PTPRQ: variants seen among roughly 807,000 people sequenced by gnomAD.
PTPRQ encodes the protein protein tyrosine phosphatase receptor type Q, also known as phosphatidylinositol phosphatase PTPRQ.
Under a neutral mutation model 246.0 loss-of-function variants are expected in PTPRQ, and 199 were observed. The observed-to-expected ratio is 0.81, with a 90% CI of 0.72 to 0.91. The LOEUF (loss-of-function observed/expected upper bound fraction) is 0.91, where lower values mean the gene tolerates loss of function less well. PTPRQ is among the 40% of genes least tolerant of loss of function. PTPRQ has a pLI of 0.00. For missense variants in PTPRQ, 2,624 were observed against 2,528.4 expected (o/e 1.04, Z -0.81); for synonymous variants, 869 against 853.2 (o/e 1.02, Z -0.32).
rs576868244 is a variant in PTPRQ, at chr12:80,590,938, G to A, written c.4609+2486G>A. Among the ~76,000 whole-genome samples, 6 of 152,004 alleles carry A rather than the reference G, an allele frequency of 3.9e-5. No individual in the cohort carries two copies. In the East Asian group the frequency reaches 1.2e-3, roughly 30 times the overall value. ...TGTTCTTCCACCTCCTTCTTCACAT[G>A]AGCAGCTTCTTATAACGTAGATCTT... On this transcript the variant is annotated intron_variant, in intron 26 of 44. Coordinates refer to ENST00000644991, the MANE Select transcript of PTPRQ (RefSeq NM_001145026.2).
chr12:80,532,039 G>T (rs1895859517), intron 17 of PTPRQ, among the ~76,000 whole-genome samples: 1 of 151,750 alleles, frequency 6.6e-6, no homozygotes, highest in African/African-American at 2.4e-5. Flanking sequence ...ATAATCTGAG[G>T]CTTTTTTTTT....
At chr12:80,486,254 C>A (rs1894272742) in intron 9 of PTPRQ, among the ~76,000 whole-genome samples, 1 of 152,168 alleles carries the variant, frequency 6.6e-6, no homozygotes, top group African/African-American at 2.4e-5. Flanking sequence ...GATCATTAAT[C>A]TTGGCATAGG....
intron 8 of PTPRQ, among the ~76,000 whole-genome samples, chr12:80,475,303 A>T (rs117640149): frequency 7.0e-4 from 106 of 152,256 alleles, no homozygotes; most frequent in Non-Finnish European, 1.4e-3. Flanking sequence ...TTATCTAGAA[A>T]ATTCATCATC....
chr12:80,640,598 G>A (rs933955630), intron 35 of PTPRQ, among the ~76,000 whole-genome samples: 8 of 152,044 alleles, frequency 5.3e-5, no homozygotes, highest in African/African-American at 1.9e-4. Context: ...TTCTTTAGAC[G>A]CAAGGAGATT....
At chr12:80,661,536 CAT>C (rs1359516337) in intron 39 of PTPRQ, among the ~76,000 whole-genome samples, 1 of 151,332 alleles carries the variant, frequency 6.6e-6, no homozygotes, top group African/African-American at 2.4e-5. Context: ...TATGTACACA[CAT>C]ATATGTACAC....
At chr12:80,672,089 A>T (rs991002941) in intron 42 of PTPRQ, among the ~76,000 whole-genome samples, 9 of 151,282 alleles carry the variant, frequency 5.9e-5, no homozygotes, top group Non-Finnish European at 1.0e-4. Context: ...ACCCTATCCT[A>T]CCCTATCACC....
rs1039171162 is a variant in PTPRQ, at chr12:80,668,821, G to A, written c.6193-186G>A. On this transcript the variant is annotated intron_variant, in intron 39 of 44. Coordinates refer to ENST00000644991, the MANE Select transcript of PTPRQ (RefSeq NM_001145026.2). ...AATTTTGAGAACCATTTGTTGTGTAGTATATCAGATTGTGAGGATAAATTT... is the reference window on the plus strand; with the variant it reads ...AATTTTGAGAACCATTTGTTGTGTAATATATCAGATTGTGAGGATAAATTT... Among the ~76,000 whole-genome samples, 26 of 151,466 alleles carry A rather than the reference G, an allele frequency of 1.7e-4. 1 individual carries two copies. The highest frequency in any genetic ancestry group is 1.3e-3 in the Admixed American group (20 of 15,128).
chr12:80,462,963 T>G (rs867609835), intron 6 of PTPRQ, among the ~76,000 whole-genome samples: 1 of 151,938 alleles, frequency 6.6e-6, no homozygotes, highest in African/African-American at 2.4e-5. Flanking sequence ...AGAGCACCTC[T>G]CCTCCTCCAA....
intron 25 of PTPRQ, chr12:80,561,548 C>T (rs1257421078): frequency 6.6e-6 from 1 of 152,090 alleles, no homozygotes; most frequent in Non-Finnish European, 1.5e-5. Flanking sequence ...CCAGGGTCAC[C>T]CACCGGTCAT....
At chr12:80,506,270 G>T in intron 15 of PTPRQ, 64 bp downstream of exon 15, 1 of 1,381,086 alleles carries the variant, frequency 7.2e-7, no homozygotes, top group Non-Finnish European at 9.6e-7. Context: ...ACAAATATTA[G>T]TTTAATGTTA....
chr12:80,631,802 G>A (rs1229303546), intron 33 of PTPRQ, among the ~76,000 whole-genome samples: 1 of 152,214 alleles, frequency 6.6e-6, no homozygotes, highest in African/African-American at 2.4e-5. Context: ...CAGTTGAAAG[G>A]AGGGAAGTGT....
intron 27 of PTPRQ, among the ~76,000 whole-genome samples, chr12:80,608,592 A>T (rs1350854792): frequency 5.3e-5 from 7 of 132,084 alleles, no homozygotes; most frequent in Admixed American, 3.3e-4. Context: ...TAATTTATAA[A>T]TTATAAATAG....
At chr12:80,562,045 A>C (rs779682053) in intron 25 of PTPRQ, among the ~76,000 whole-genome samples, 1 of 151,864 alleles carries the variant, frequency 6.6e-6, no homozygotes, top group African/African-American at 2.4e-5. Flanking sequence ...GCAATTTTTC[A>C]TCTTTGCTTG....
chr12:80,523,386 T>C (rs1399025743), intron 17 of PTPRQ, among the ~76,000 whole-genome samples: 2 of 152,192 alleles, frequency 1.3e-5, no homozygotes, highest in Non-Finnish European at 1.5e-5. Context: ...CTGATCTTAG[T>C]TATTTCTTGC....
intron 8 of PTPRQ, among the ~76,000 whole-genome samples, chr12:80,479,929 C>T (rs1378745855): frequency 6.6e-6 from 1 of 151,462 alleles, no homozygotes; most frequent in Admixed American, 6.6e-5. Context: ...TAATGGGAGA[C>T]TTTAACACCC....
rs1235014691 is a variant in PTPRQ at position 80,552,671 on chromosome 12, A to G, written c.4285+2937A>G. Among the ~76,000 whole-genome samples the G allele has an allele frequency of 1.3e-4, 16 of 120,166 alleles. 1 individual carries two copies. Among genetic ancestry groups the G allele is most frequent in the African/African-American group, 4.6e-4 (14 of 30,374 alleles). The allele number at this position is 120,166 out of a possible 152,430, so 78.8% of individuals were successfully genotyped here. ...TATATATATATATATATATATATATATATATATATATATATATATATATTT... is the reference window on the plus strand; with the variant it reads ...TATATATATATATATATATATATATGTATATATATATATATATATATATTT... On this transcript the variant is annotated intron_variant, in intron 25 of 44. Transcript: ENST00000644991.
chr12:80,654,059 T>G (rs1900347833), intron 38 of PTPRQ, among the ~76,000 whole-genome samples: 1 of 151,580 alleles, frequency 6.6e-6, no homozygotes, highest in Admixed American at 6.6e-5. Flanking sequence ...TTTTCTTTCT[T>G]TCTCTCTTTC....
intron 29 of PTPRQ, among the ~76,000 whole-genome samples, chr12:80,615,903 G>A (rs1898737041): frequency 1.3e-5 from 2 of 150,870 alleles, no homozygotes; most frequent in African/African-American, 4.8e-5. Flanking sequence ...GGGCTGTTTA[G>A]ATCACTCAGC....
rs1408615919 is a variant in PTPRQ, at chr12:80,616,252, C to T, written c.5216C>T (p.Thr1739Ile). 2 of 1,489,166 alleles carry T rather than the reference C, an allele frequency of 1.3e-6. No homozygotes were observed. Among genetic ancestry groups the T allele is most frequent in the African/African-American group, 2.9e-5 (2 of 69,350 alleles). 92.2% of individuals were successfully genotyped at this position (1,489,166 alleles called of 1,614,324 possible). A position where few individuals can be genotyped will look rare whatever the true frequency, so the allele number is the denominator to read the frequency against. ...GGTCCAAAGGTTCCGATGAGAATAACCATGGATATCAAAGGTACATACATG... is the reference window on the plus strand; with the variant it reads ...GGTCCAAAGGTTCCGATGAGAATAATCATGGATATCAAAGGTACATACATG... Reference protein sequence around the residue: ...GAGPKVPMRITMDIKAPARPK... With the variant: ...GAGPKVPMRIIMDIKAPARPK... Residue 1739 changes from threonine (T) to isoleucine (I), a missense_variant, in exon 30 of 45, where the codon ACC (threonine) becomes ATC (isoleucine). Transcript: ENST00000644991.
Sources: allele counts gnomAD v4.1 joint callset (sites outside exome capture counted in the v4.1 genomes callset), GRCh38; gene constraint gnomAD v4.1.1; transcripts MANE v1.5; gene names NCBI Gene and HGNC (gene_info 2026-07-23, HGNC 2026-07-21).